GOSR1: variants seen among roughly 807,000 people sequenced by gnomAD.
GOSR1 encodes the protein 28 kDa Golgi SNARE protein.
GOSR1 carries 21 observed loss-of-function variants against 35.5 expected under a neutral mutation model. The ratio of observed to expected loss-of-function variants is 0.59; its 90% CI spans 0.42 to 0.85. The LOEUF is 0.85. Ranked by LOEUF, GOSR1 falls within the 40% of genes least tolerant of loss-of-function variation. The pLI is 0.00. For synonymous variants in GOSR1, 94 were observed against 106.6 expected (o/e 0.88, Z 0.73); for missense variants, 285 against 309.6 (o/e 0.92, Z 0.60).
chr17:30,486,483 C>T (rs1401077312), intron 4 of GOSR1, among the ~76,000 whole-genome samples: 1 of 150,054 alleles, frequency 6.7e-6, no homozygotes, highest in Admixed American at 6.6e-5. Context: ...GAGATTGCAC[C>T]ACTGCACTCC....
chr17:30,492,153 G>T (rs938158965), intron 5 of GOSR1, among the ~76,000 whole-genome samples: 2 of 152,142 alleles, frequency 1.3e-5, no homozygotes, highest in African/African-American at 4.8e-5. Flanking sequence ...AGTGATAAGA[G>T]TAATTTTTTT....
intron 7 of GOSR1, among the ~76,000 whole-genome samples, chr17:30,517,007 G>A (rs1010830142): frequency 3.9e-5 from 6 of 152,178 alleles, no homozygotes; most frequent in Non-Finnish European, 7.4e-5. Context: ...GAGCCACCGC[G>A]CCTAGCCCTA....
At chr17:30,510,596 C>T (rs972329379) in intron 6 of GOSR1, 15 of 198,896 alleles carry the variant, frequency 7.5e-5, no homozygotes, top group African/African-American at 1.6e-4. Context: ...TGCATGTATT[C>T]GCAGCTATTT....
In GOSR1 at chr17:30,477,429, C is replaced by T. The variant is rs1356583857; in HGVS notation, c.-5C>T. 13 of 1,609,344 alleles carry T rather than the reference C, an allele frequency of 8.1e-6. No individual in the cohort carries two copies. Among genetic ancestry groups the T allele is most frequent in the Non-Finnish European group, 1.0e-5 (12 of 1,177,382 alleles). On this transcript the variant is annotated 5_prime_UTR_variant, in exon 1 of 9. Transcript: ENST00000451249. Reference sequence around the variant, plus strand: ...CCCTATCCCGGCTGACGTTGGACGACAAAGATGGCGGCAGGGACCAGCAGT... The same window carrying T: ...CCCTATCCCGGCTGACGTTGGACGATAAAGATGGCGGCAGGGACCAGCAGT...
At chr17:30,504,195 T>A (rs1263674384) in intron 6 of GOSR1, among the ~76,000 whole-genome samples, 1 of 151,818 alleles carries the variant, frequency 6.6e-6, no homozygotes, top group East Asian at 1.9e-4. Flanking sequence ...CCCGTCTAAT[T>A]TTTGTATTTT....
intron 8 of GOSR1, chr17:30,520,333 C>T (rs1967980737): frequency 4.7e-6 from 1 of 213,634 alleles, no homozygotes; most frequent in South Asian, 1.3e-4. Flanking sequence ...GAACTCCACA[C>T]TATACATTAT....
At position 30,511,347 on chromosome 17, in the gene GOSR1, TA is replaced by T. The variant is rs1214600879; in HGVS notation, c.539+440del. Among the ~76,000 whole-genome samples, 3 of 152,320 alleles carry T rather than the reference TA, an allele frequency of 2.0e-5. No homozygotes were observed. In the East Asian group the frequency reaches 5.8e-4, roughly 29 times the overall value. On this transcript the variant is annotated intron_variant, in intron 7 of 8. Transcript: ENST00000451249. ...CATTGAACTAGTTTCTTGCTTAAGT[TA>T]AGGGACATTTATTTCTTGTTTTGAA...
At chr17:30,511,553 G>C (rs1967614493) in intron 7 of GOSR1, among the ~76,000 whole-genome samples, 1 of 150,152 alleles carries the variant, frequency 6.7e-6, no homozygotes, top group African/African-American at 2.5e-5. Flanking sequence ...TTTTTAGATG[G>C]AGTTTCACTC....
chr17:30,513,286 A>C lies in GOSR1; in HGVS notation c.539+2377A>C, dbSNP rs537057049. Among the ~76,000 whole-genome samples the C allele has an allele frequency of 2.0e-5, 3 of 152,364 alleles. No homozygotes were observed. The East Asian group carries it at 5.8e-4, about 29-fold the overall frequency. On this transcript the variant is annotated intron_variant, in intron 7 of 8. Transcript: ENST00000451249. ...CTTGTATTATCTGTTGTTGAAAAAA[A>C]GGTGACTGAGTTCAGTTCACAGAGC...
chr17:30,484,878 A>G, intron 4 of GOSR1, 108 bp downstream of exon 4: 1 of 721,606 alleles, frequency 1.4e-6, no homozygotes, highest in Middle Eastern at 2.3e-4. Context: ...ACAAAGAGAA[A>G]AATCTGAGAA....
intron 6 of GOSR1, among the ~76,000 whole-genome samples, chr17:30,499,342 CTT>C (rs3039523): frequency 6.7e-5 from 9 of 133,742 alleles, no homozygotes; most frequent in Non-Finnish European, 6.3e-5. Flanking sequence ...TCTCATTCCT[CTT>C]TTTTTTTTTT....
chr17:30,521,256 A>C (rs1164183277), intron 8 of GOSR1, among the ~76,000 whole-genome samples: 1 of 136,884 alleles, frequency 7.3e-6, no homozygotes, highest in Non-Finnish European at 1.5e-5. Context: ...ATCTCAGCTC[A>C]CTGCAACCTC....
At chr17:30,504,579 A>C (rs770247506) in intron 6 of GOSR1, among the ~76,000 whole-genome samples, 2 of 152,184 alleles carry the variant, frequency 1.3e-5, no homozygotes, top group Non-Finnish European at 2.9e-5. Context: ...GTAAATAGAA[A>C]ATGGTTTCAT....
chr17:30,504,175 C>T (rs370973739), intron 6 of GOSR1, among the ~76,000 whole-genome samples: 7 of 152,016 alleles, frequency 4.6e-5, no homozygotes, highest in African/African-American at 7.2e-5. Flanking sequence ...TACAGGCGCC[C>T]GCCACCACGC....
intron 1 of GOSR1, chr17:30,479,029 A>C (rs1049179876): frequency 1.3e-5 from 2 of 152,194 alleles, no homozygotes; most frequent in African/African-American, 4.8e-5. Flanking sequence ...CAAACCCTGA[A>C]GGTAGGGGTT....
chr17:30,510,128 T>C (rs1006801313), intron 6 of GOSR1, among the ~76,000 whole-genome samples: 27 of 152,260 alleles, frequency 1.8e-4, no homozygotes, highest in Admixed American at 1.6e-3. Context: ...TGGAGTGCAG[T>C]GGCATGATGA....
At chr17:30,519,057 T>C (rs1275448978) in intron 7 of GOSR1, among the ~76,000 whole-genome samples, 2 of 151,902 alleles carry the variant, frequency 1.3e-5, no homozygotes, top group Non-Finnish European at 2.9e-5. Context: ...TTCTCTTTTC[T>C]CTTTAATCTT....
intron 7 of GOSR1, among the ~76,000 whole-genome samples, chr17:30,511,711 A>G (rs981416590): frequency 6.6e-6 from 1 of 151,958 alleles, no homozygotes; most frequent in African/African-American, 2.4e-5. Flanking sequence ...TTGTAATTTT[A>G]GTAGTGACAG....
chr17:30,514,182 G>T (rs928176502), intron 7 of GOSR1, among the ~76,000 whole-genome samples: 2 of 152,048 alleles, frequency 1.3e-5, no homozygotes, highest in African/African-American at 4.8e-5. Flanking sequence ...TTTCATTTGG[G>T]GATCAAAAAT....
Sources: gnomAD v4.1 joint callset for allele counts (sites outside exome capture counted in the v4.1 genomes callset) on GRCh38, gnomAD v4.1.1 for gene constraint, MANE v1.5 for transcripts, NCBI Gene and HGNC (gene_info 2026-07-23, HGNC 2026-07-21) for gene names.